Variants in PRKG1 observed in about 807,000 individuals in gnomAD.
PRKG1 encodes cGMP-dependent protein kinase 1.
In PRKG1, 35 loss-of-function variants were observed where a neutral mutation model predicts 88.1. The ratio of observed to expected loss-of-function variants is 0.40; its 90% CI spans 0.30 to 0.53. PRKG1 has a LOEUF of 0.53. PRKG1 is among the 20% of genes least tolerant of loss of function. The probability of loss-of-function intolerance (pLI) is 0.59; values close to 1 mark genes in which losing one functional copy is unlikely to be tolerated. For synonymous variants in PRKG1, 303 were observed against 292.5 expected (o/e 1.04, Z -0.37); for missense variants, 540 against 839.8 (o/e 0.64, Z 4.41).
intron 2 of PRKG1, among the ~76,000 whole-genome samples, chr10:51,442,074 A>G (rs1203180687): frequency 6.7e-6 from 1 of 148,556 alleles, no homozygotes; most frequent in Admixed American, 6.7e-5. Flanking sequence ...TTTTACCAGG[A>G]AAAAAAAAAC....
intron 6 of PRKG1, 43 bp from the exon 7 acceptor site, chr10:52,062,494 T>C (rs1846260364): frequency 7.9e-7 from 1 of 1,257,964 alleles, no homozygotes; most frequent in Non-Finnish European, 1.1e-6. Context: ...TTGTCCATTG[T>C]GGGTAAGCAG....
At chr10:51,939,826 C>T (rs1348205602) in intron 5 of PRKG1, among the ~76,000 whole-genome samples, 2 of 151,810 alleles carry the variant, frequency 1.3e-5, no homozygotes, top group Non-Finnish European at 2.9e-5. Context: ...CTCAAATCTA[C>T]TAAAATGTGG....
At chr10:51,177,670 A>G (rs1192003000) in intron 2 of PRKG1, among the ~76,000 whole-genome samples, 2 of 152,192 alleles carry the variant, frequency 1.3e-5, no homozygotes, top group Admixed American at 6.5e-5. Context: ...GAAATGGAAT[A>G]TCATATACAA....
chr10:51,616,867 G>T (rs572764838), intron 3 of PRKG1, among the ~76,000 whole-genome samples: 110 of 152,292 alleles, frequency 7.2e-4, no homozygotes, highest in Admixed American at 1.6e-3. Context: ...GACCAAAAAG[G>T]TGGTGACCTA....
intron 2 of PRKG1, among the ~76,000 whole-genome samples, chr10:51,332,493 T>C (rs1031016334): frequency 6.6e-5 from 10 of 152,166 alleles, no homozygotes; most frequent in Non-Finnish European, 1.0e-4. Context: ...TTGAATATAT[T>C]TCAAGGGCCA....
intron 8 of PRKG1, among the ~76,000 whole-genome samples, chr10:52,143,416 G>A (rs2132653751): frequency 6.6e-6 from 1 of 152,278 alleles, no homozygotes; most frequent in South Asian, 2.1e-4. Context: ...CACCTCTCCA[G>A]TGTGACATTC....
chr10:52,039,908 A>C (rs1845713477), intron 5 of PRKG1, among the ~76,000 whole-genome samples: 1 of 152,154 alleles, frequency 6.6e-6, no homozygotes, highest in Admixed American at 6.5e-5. Context: ...AGAATAAAAA[A>C]GGGGGCAAAA....
chr10:51,847,840 TAAAAAAAAAAAAAAAAAAAAAAA>T (rs766423513), intron 4 of PRKG1, among the ~76,000 whole-genome samples: 1 of 35,200 alleles, frequency 2.8e-5, no homozygotes, highest in Non-Finnish European at 5.4e-5. Flanking sequence ...AAGACTCTGT[TAAAAAAAAAAAAAAAAAAAAAAA>T]AAAAAAAAAA....
At chr10:51,698,975 T>C (rs749744522) in intron 3 of PRKG1, 5 of 1,614,268 alleles carry the variant, frequency 3.1e-6, no homozygotes, top group South Asian at 1.1e-5. Flanking sequence ...TATCTTCCGA[T>C]GCAGAATTTT....
intron 1 of PRKG1, among the ~76,000 whole-genome samples, chr10:51,123,692 CA>C (rs34103294): frequency 0.47 from 63,267 of 133,464 alleles, 15,689 homozygotes; most frequent in East Asian, 0.71. Context: ...GACTCCATCT[CA>C]AAAAAAAAAA....
intron 1 of PRKG1, among the ~76,000 whole-genome samples, chr10:51,123,557 G>C (rs1323274048): frequency 6.6e-6 from 1 of 151,912 alleles, no homozygotes; most frequent in Non-Finnish European, 1.5e-5. Flanking sequence ...GTGATGGTGG[G>C]TTCCTGTAAT....
At chr10:51,371,177 GCTTAATAATTAGGT>G (rs1842698614) in intron 2 of PRKG1, among the ~76,000 whole-genome samples, 1 of 152,010 alleles carries the variant, frequency 6.6e-6, no homozygotes, top group South Asian at 2.1e-4. Context: ...CAACTTCATT[GCTTAATAATTAGGT>G]GACCTTAGGC....
chr10:52,094,267 A>G (rs1263826791), intron 7 of PRKG1, among the ~76,000 whole-genome samples: 1 of 152,164 alleles, frequency 6.6e-6, no homozygotes, highest in Non-Finnish European at 1.5e-5. Flanking sequence ...AATCATTCCT[A>G]CTATTACTAG....
At position 51,074,589 on chromosome 10, in the gene PRKG1, G is replaced by GC. The variant is rs771596139; in HGVS notation, c.-1dup. 1 of 1,608,768 alleles carries GC rather than the reference G, an allele frequency of 6.2e-7. No homozygotes were observed. Among genetic ancestry groups the GC allele is most frequent in the South Asian group, 1.1e-5 (1 of 90,832 alleles). On this transcript the variant is annotated 5_prime_UTR_variant, in exon 1 of 18. Transcript: ENST00000373980. ...AAGGAGCCCCCGGCAGCCCGGAGGA[G>GC]CATGGGCACCTTGCGGGATTTACAG...
chr10:51,653,366 A>G (rs1037573968), intron 3 of PRKG1, among the ~76,000 whole-genome samples: 3 of 152,172 alleles, frequency 2.0e-5, no homozygotes, highest in Non-Finnish European at 4.4e-5. Flanking sequence ...CATCCTCAAC[A>G]ACACTGATCT....
At chr10:51,562,830 G>A (rs1275456326) in intron 3 of PRKG1, among the ~76,000 whole-genome samples, 1 of 152,120 alleles carries the variant, frequency 6.6e-6, no homozygotes, top group Non-Finnish European at 1.5e-5. Flanking sequence ...GTAGAGTGGT[G>A]CAATCTTAGC....
chr10:51,441,205 A>G (rs1839094398), intron 2 of PRKG1, among the ~76,000 whole-genome samples: 1 of 151,918 alleles, frequency 6.6e-6, no homozygotes, highest in East Asian at 1.9e-4. Context: ...TGAAGGCCTA[A>G]GAGCCAGTTT....
intron 10 of PRKG1, among the ~76,000 whole-genome samples, chr10:52,256,339 G>T (rs7907343): frequency 0.87 from 119,016 of 137,500 alleles, 54,158 homozygotes; most frequent in East Asian, 1. Flanking sequence ...TCTGCTCCTA[G>T]TTTAATGGCA....
chr10:51,049,707 T>C (rs188089812), intron 1 of PRKG1, among the ~76,000 whole-genome samples: 6 of 152,354 alleles, frequency 3.9e-5, no homozygotes, highest in South Asian at 4.1e-4. Flanking sequence ...TTTTGTGTTA[T>C]GTATTTTACC....
Sources: gnomAD v4.1 joint callset for allele counts (sites outside exome capture counted in the v4.1 genomes callset) on GRCh38, gnomAD v4.1.1 for gene constraint, MANE v1.5 for transcripts, NCBI Gene and HGNC (gene_info 2026-07-23, HGNC 2026-07-21) for gene names.